LRPAP1: variants seen among roughly 807,000 people sequenced by gnomAD.
The protein encoded by LRPAP1 is alpha-2-macroglobulin receptor-associated protein.
Under a neutral mutation model 39.9 loss-of-function variants are expected in LRPAP1, and 41 were observed. The observed-to-expected ratio is 1.03, with a 90% confidence interval of 0.80 to 1.33. The LOEUF (loss-of-function observed/expected upper bound fraction) is 1.33. Ranked by LOEUF, LRPAP1 falls within the 40% of genes most tolerant of loss-of-function variation. The pLI, the probability that LRPAP1 is intolerant of heterozygous loss-of-function variation, is 0.00. For synonymous variants in LRPAP1, 263 were observed against 212.7 expected, an observed-to-expected ratio of 1.24 and a Z score of -2.06; for missense variants, 565 against 482.3, an observed-to-expected ratio of 1.17 and a Z score of -1.61.
At position 3,516,109 on chromosome 4, in the gene LRPAP1, T is replaced by A; in HGVS notation, c.834+7A>T. On this transcript the variant is annotated splice_region_variant and intron_variant, in intron 6 of 7. Transcript: ENST00000650182. Reference sequence around the variant, plus strand: ...AGAGCTAGAAGGAGAGGGCCGTGTTTCCTTACCCGGAACGCCTCCAGCTCC... The same window carrying A: ...AGAGCTAGAAGGAGAGGGCCGTGTTACCTTACCCGGAACGCCTCCAGCTCC... 6.4e-7 allele frequency: 1 copy of A among 1,567,010 alleles called. No individual in the cohort carries two copies.
intron 5 of LRPAP1, among the ~76,000 whole-genome samples, chr4:3,517,130 G>C (rs145259205): frequency 2.2e-4 from 34 of 152,220 alleles, no homozygotes; most frequent in African/African-American, 8.2e-4. Flanking sequence ...ACAGTCACCA[G>C]CACCAGGTCA....
Position 3,523,801 on chromosome 4 carries a change from C to G in LRPAP1, c.349+1106G>C, listed in dbSNP as rs570582141. 1.8e-4 allele frequency among the ~76,000 whole-genome samples: 28 copies of G among 152,342 alleles called. No individual in the cohort carries two copies. The South Asian group carries it at 4.3e-3, about 24-fold the overall frequency. On this transcript the variant is annotated intron_variant, in intron 2 of 7. Coordinates refer to ENST00000650182, the MANE Select transcript of LRPAP1 (RefSeq NM_002337.4). ...CAGCAGACTCCAGACATGGCCAGGG[C>G]TCTGGGGCCACCCTCACGACAGCAA... is the stretch of plus-strand genomic sequence containing the variant.
rs1729533761 is a variant in LRPAP1 at position 3,511,897 on chromosome 4, G to T, written c.*1077C>A. The stretch of plus-strand genomic sequence containing the variant: ...AGACACGGGAAGGGAACCACGCTCG[G>T]AGCCGGACCCGAGCCTCTTCCAGGC... On this transcript the variant is annotated 3_prime_UTR_variant, in exon 8 of 8. Coordinates refer to ENST00000650182, the MANE Select transcript of LRPAP1 (RefSeq NM_002337.4). 9.6e-6 allele frequency: 1 copy of T among 103,768 alleles called. No homozygotes were observed. The highest frequency in any genetic ancestry group is 4.0e-5 in the African/African-American group (1 of 25,150). 6.4% of individuals were successfully genotyped at this position (103,768 alleles called of 1,614,324 possible). A position where few individuals can be genotyped will look rare whatever the true frequency, so the allele number is the denominator to read the frequency against.
At position 3,512,930 on chromosome 4, in the gene LRPAP1, T is replaced by C; in HGVS notation, c.*44A>G. ...ATGCCACGGCCAAGAGCCCAGGTCC[T>C]TCACGCTGGCCTCTTCCCTGCCGGG... On this transcript the variant is annotated 3_prime_UTR_variant, in exon 8 of 8. Transcript: ENST00000650182. The C allele has an allele frequency of 6.4e-7, 1 of 1,570,728 alleles. No individual in the cohort carries two copies. The highest frequency in any genetic ancestry group is 8.7e-7 in the Non-Finnish European group (1 of 1,155,256).
Position 3,518,214 on chromosome 4 carries a change from G to T in LRPAP1, c.593-22C>A, listed in dbSNP as rs780315061. On this transcript the variant is annotated intron_variant, in intron 4 of 7. Transcript: ENST00000650182. ...ATTTCTGTAAAACCGAAGGCAGGAC[G>T]CCATGAGGCTGGGAGTCCTCGCACT... The T allele has an allele frequency of 7.5e-6, 12 of 1,601,200 alleles. No homozygotes were observed. The South Asian group carries it at 1.3e-4, about 18-fold the overall frequency.
Position 3,518,194 on chromosome 4 carries a change from T to G in LRPAP1, c.593-2A>C. 1 of 1,608,446 alleles carries G rather than the reference T, an allele frequency of 6.2e-7. No individual in the cohort carries two copies. The highest frequency in any genetic ancestry group is 8.5e-7 in the Non-Finnish European group (1 of 1,176,116). On this transcript the variant is annotated splice_acceptor_variant, in intron 4 of 7. Coordinates refer to ENST00000650182, the MANE Select transcript of LRPAP1 (RefSeq NM_002337.4). LOFTEE classifies it high-confidence loss of function. ...GGCTAATGACGTTCTCGTGGATTTC[T>G]GTAAAACCGAAGGCAGGACGCCATG... is the stretch of plus-strand genomic sequence containing the variant.
At chr4:3,528,274 G>A (rs1003982813) in intron 1 of LRPAP1, among the ~76,000 whole-genome samples, 3 of 152,198 alleles carry the variant, frequency 2.0e-5, no homozygotes, top group Non-Finnish European at 4.4e-5. Context: ...ATGCAGGCAA[G>A]AAAGCCGGCT....
intron 2 of LRPAP1, 132 bp from the exon 3 acceptor site, chr4:3,520,325 C>T: frequency 2.3e-6 from 2 of 881,670 alleles, no homozygotes; most frequent in Non-Finnish European, 3.5e-6. Flanking sequence ...TCACCTGTTT[C>T]CTGGATGACC....
chr4:3,525,874 C>T (rs919060266), intron 1 of LRPAP1, among the ~76,000 whole-genome samples: 3 of 152,256 alleles, frequency 2.0e-5, no homozygotes, highest in African/African-American at 2.4e-5. Context: ...GGCCAGAATG[C>T]CAGGCGGCCG....
chr4:3,530,196 G>A (rs1407590401), intron 1 of LRPAP1, among the ~76,000 whole-genome samples: 1 of 152,138 alleles, frequency 6.6e-6, no homozygotes, highest in Non-Finnish European at 1.5e-5. Context: ...TCGGCAGAAA[G>A]AGCCACAGCA....
chr4:3,503,628 A>C lies in LRPAP1; in HGVS notation c.*9346T>G, dbSNP rs779098928. 1 of 152,278 alleles carries C rather than the reference A, an allele frequency of 6.6e-6. No homozygotes were observed. The highest frequency in any genetic ancestry group is 2.4e-5 in the African/African-American group (1 of 41,454). 9.4% of individuals were successfully genotyped at this position (152,278 alleles called of 1,614,324 possible). A position where few individuals can be genotyped will look rare whatever the true frequency, so the allele number is the denominator to read the frequency against. On this transcript the variant is annotated 3_prime_UTR_variant, in exon 8 of 8. Transcript: ENST00000650182. ...AAGACATCATACTTGAAATGAGAAA[A>C]TATTTTGAACTGAATGGCAGTGAAA... is the stretch of plus-strand genomic sequence containing the variant.
chr4:3,528,481 C>T (rs1456589585), intron 1 of LRPAP1, among the ~76,000 whole-genome samples: 2 of 152,208 alleles, frequency 1.3e-5, no homozygotes, highest in African/African-American at 4.8e-5. Flanking sequence ...CCCAGGAAAC[C>T]CAGGCCAGGG....
chr4:3,529,414 T>C (rs1190557950), intron 1 of LRPAP1, among the ~76,000 whole-genome samples: 1 of 152,014 alleles, frequency 6.6e-6, no homozygotes, highest in Non-Finnish European at 1.5e-5. Flanking sequence ...GGCCAAGAGG[T>C]ACACGAGTGT....
At chr4:3,515,868 G>A (rs1729676934) in intron 6 of LRPAP1, 3 of 551,826 alleles carry the variant, frequency 5.4e-6, no homozygotes, top group Non-Finnish European at 9.8e-6. Flanking sequence ...CCAAGGCCAC[G>A]CTCAGACGTG....
At chr4:3,523,722 C>A (rs1202333672) in intron 2 of LRPAP1, among the ~76,000 whole-genome samples, 1 of 152,118 alleles carries the variant, frequency 6.6e-6, no homozygotes, top group Non-Finnish European at 1.5e-5. Flanking sequence ...TTACCAGAGA[C>A]AACCCGGGCG....
rs556047145 is a variant in LRPAP1, at chr4:3,511,641, G to A, written c.*1333C>T. ...AGAAATGATAGCTTAGCGGATGTTT[G>A]GCAGATCTCAACAGTCAAGCCAAGA... On this transcript the variant is annotated 3_prime_UTR_variant, in exon 8 of 8. Transcript: ENST00000650182. The A allele has an allele frequency of 9.3e-4, 141 of 152,404 alleles. 1 individual carries two copies. The highest frequency in any genetic ancestry group is 3.3e-3 in the African/African-American group (136 of 41,572). The allele number at this position is 152,404 out of a possible 1,614,324, so 9.4% of individuals were successfully genotyped here.
chr4:3,531,370 T>A (rs1730246543), intron 1 of LRPAP1, among the ~76,000 whole-genome samples: 1 of 151,186 alleles, frequency 6.6e-6, no homozygotes, highest in Admixed American at 6.7e-5. Flanking sequence ...TCAGGAATGC[T>A]TAAAACTGGA....
intron 2 of LRPAP1, among the ~76,000 whole-genome samples, chr4:3,523,659 T>C (rs563818280): frequency 4.0e-5 from 6 of 151,740 alleles, no homozygotes; most frequent in East Asian, 1.9e-4. Context: ...TTTTGAGGAG[T>C]AGGTGTTAGA....
intron 7 of LRPAP1, among the ~76,000 whole-genome samples, chr4:3,513,940 G>C (rs1046931269): frequency 6.6e-6 from 1 of 152,242 alleles, no homozygotes; most frequent in Non-Finnish European, 1.5e-5. Flanking sequence ...CCAACGGTGC[G>C]GGTGCCTCAG....
Sources: allele counts gnomAD v4.1 joint callset (sites outside exome capture counted in the v4.1 genomes callset), GRCh38; gene constraint gnomAD v4.1.1; transcripts MANE v1.5; gene names NCBI Gene and HGNC (gene_info 2026-07-23, HGNC 2026-07-21).